Variants in OR10D3 observed in about 807,000 individuals in gnomAD.
OR10D3 encodes the protein olfactory receptor 10D3.
For missense variants in OR10D3, 286 were observed against 153.7 expected (o/e 1.86, Z -4.55); for synonymous variants, 100 against 57.6 (o/e 1.74, Z -3.33).
At chr11:124,185,739 G>C in exon 2 of OR10D3, 1 of 703,640 alleles carries the variant, frequency 1.4e-6, no homozygotes. Flanking sequence ...ATTCATTCCA[G>C]TATCTTGACC....
At chr11:124,185,852 G>T in exon 2 of OR10D3, 2 of 703,504 alleles carry the variant, frequency 2.8e-6, no homozygotes, top group Non-Finnish European at 5.2e-6. Flanking sequence ...CACATCCTTA[G>T]CCCAGAGGGT....
chr11:124,184,942 G>T (rs1351368898), intron 1 of OR10D3, among the ~76,000 whole-genome samples: 1 of 152,206 alleles, frequency 6.6e-6, no homozygotes, highest in Non-Finnish European at 1.5e-5. Flanking sequence ...TACCCCGGGA[G>T]GAGGAGCATG....
At position 124,186,495 on chromosome 11, in the gene OR10D3, C is replaced by T. The variant is rs148836266; in HGVS notation, c.*287C>T. 487 of 186,076 alleles carry T rather than the reference C, an allele frequency of 2.6e-3. 2 individuals carry two copies. Among genetic ancestry groups the T allele is most frequent in the Admixed American group, 4.4e-3 (59 of 13,424 alleles). The allele number at this position is 186,076 out of a possible 1,614,324, so 11.5% of individuals were successfully genotyped here. A position where few individuals can be genotyped will look rare whatever the true frequency, so the allele number is the denominator to read the frequency against. On this transcript the variant is annotated 3_prime_UTR_variant, in exon 2 of 2. Coordinates refer to ENST00000641351, the Ensembl canonical transcript of OR10D3. ...CCCTGGAAGGAAGATCTTTTCCATCCTGCCATTTTTTTTTTTTTTTGCATC... is the reference window on the plus strand; with the variant it reads ...CCCTGGAAGGAAGATCTTTTCCATCTTGCCATTTTTTTTTTTTTTTGCATC...
At chr11:124,187,668 T>C (rs1020491064) in exon 2 of OR10D3, 1 of 152,224 alleles carries the variant, frequency 6.6e-6, no homozygotes, top group African/African-American at 2.4e-5. Context: ...ACACCCGAAT[T>C]GCAAAGCTTC....
exon 2 of OR10D3, chr11:124,185,987 A>G: frequency 5.7e-6 from 4 of 703,220 alleles, no homozygotes; most frequent in Non-Finnish European, 1.0e-5. Flanking sequence ...TGCCTTCTCC[A>G]CCTGCAGTGC....
chr11:124,183,442 C>CTCTCTCTCTT lies in OR10D3; in HGVS notation c.-12+75_-12+84dup, dbSNP rs1555044007. On this transcript the variant is annotated intron_variant, in intron 1 of 1. Transcript: ENST00000641351. ...TCTCTCTTTCTTTCTCTCTCTCTTT[C>CTCTCTCTCTT]TCTCTCTCTTTCTCTCTCTTTCTCT... 74 of 104,008 alleles carry CTCTCTCTCTT rather than the reference C, an allele frequency of 7.1e-4. 2 individuals carry two copies. Among genetic ancestry groups the CTCTCTCTCTT allele is most frequent in the African/African-American group, 2.5e-3 (68 of 27,356 alleles). The allele number at this position is 104,008 out of a possible 1,614,324, so 6.4% of individuals were successfully genotyped here. A position where few individuals can be genotyped will look rare whatever the true frequency, so the allele number is the denominator to read the frequency against.
chr11:124,188,102 C>G (rs1297104608), exon 2 of OR10D3: 3 of 152,110 alleles, frequency 2.0e-5, no homozygotes, highest in Non-Finnish European at 4.4e-5. Context: ...AAATGGTAAC[C>G]AAGGGAGTCA....
chr11:124,185,323 A>G (rs1415871369), exon 2 of OR10D3: 1 of 703,436 alleles, frequency 1.4e-6, no homozygotes, highest in Admixed American at 2.0e-5. Flanking sequence ...TGGGAATCCC[A>G]CACACAGAGG....
exon 2 of OR10D3, chr11:124,185,879 G>A: frequency 1.4e-6 from 1 of 703,296 alleles, no homozygotes; most frequent in South Asian, 1.5e-5. Flanking sequence ...CACCAACGTT[G>A]GCCTCATATC....
intron 1 of OR10D3, among the ~76,000 whole-genome samples, chr11:124,184,072 G>T (rs1186583054): frequency 6.6e-6 from 1 of 152,192 alleles, no homozygotes; most frequent in East Asian, 1.9e-4. Context: ...CTTGTCTTGG[G>T]TCTGATTGCT....
chr11:124,186,279 T>A, exon 2 of OR10D3: 1 of 621,758 alleles, frequency 1.6e-6, no homozygotes. Context: ...CATTCTGGAA[T>A]CTTCATATGT....
At chr11:124,185,328 C>G in exon 2 of OR10D3, 1 of 703,422 alleles carries the variant, frequency 1.4e-6, no homozygotes, top group Non-Finnish European at 2.6e-6. Flanking sequence ...ATCCCACACA[C>G]AGAGGGGCTG....
exon 2 of OR10D3, chr11:124,186,354 A>C (rs1861226135): frequency 1.9e-6 from 1 of 518,882 alleles, no homozygotes; most frequent in Non-Finnish European, 3.4e-6. Flanking sequence ...TATATAATAC[A>C]TTATCTTTTT....
At chr11:124,186,531 A>G (rs1455849484) in exon 2 of OR10D3, 1 of 160,866 alleles carries the variant, frequency 6.2e-6, no homozygotes, top group African/African-American at 2.7e-5. Flanking sequence ...ACTTTTCTCA[A>G]TTTACTCCCC....
chr11:124,185,976 G>A (rs1262245451), exon 2 of OR10D3: 23 of 703,212 alleles, frequency 3.3e-5, no homozygotes, highest in East Asian at 2.1e-4. Flanking sequence ...GGCCGTCGCC[G>A]TGCCTTCTCC....
chr11:124,187,557 A>T (rs1221319818), exon 2 of OR10D3: 1 of 152,260 alleles, frequency 6.6e-6, no homozygotes, highest in Non-Finnish European at 1.5e-5. Context: ...CCGTGTTATT[A>T]AAATTCCAAC....
exon 2 of OR10D3, chr11:124,186,105 T>C (rs1157676949): frequency 5.7e-6 from 4 of 703,058 alleles, no homozygotes; most frequent in Admixed American, 2.0e-5. Flanking sequence ...ATGAATCTGG[T>C]AGGACCAATG....
At chr11:124,185,013 T>C (rs1187637487) in intron 1 of OR10D3, among the ~76,000 whole-genome samples, 1 of 152,210 alleles carries the variant, frequency 6.6e-6, no homozygotes, top group Non-Finnish European at 1.5e-5. Context: ...CAGAATATTG[T>C]TTTAATAATG....
chr11:124,185,898 G>C (rs1484305568), exon 2 of OR10D3: 1 of 703,154 alleles, frequency 1.4e-6, no homozygotes, highest in African/African-American at 1.7e-5. Flanking sequence ...TCTCTTGTCT[G>C]CTTTCTGCTA....
Sources: gnomAD v4.1 joint callset for allele counts (sites outside exome capture counted in the v4.1 genomes callset) on GRCh38, gnomAD v4.1.1 for gene constraint, MANE v1.5 for transcripts, NCBI Gene and HGNC (gene_info 2026-07-23, HGNC 2026-07-21) for gene names.